Variants in MCTP1 observed in about 807,000 individuals in gnomAD.
MCTP1 encodes multiple C2 and transmembrane domain-containing protein 1.
In MCTP1, 69 loss-of-function variants were observed where a neutral mutation model predicts 120.6. The observed-to-expected ratio is 0.57, with a 90% CI of 0.47 to 0.70. MCTP1 has a LOEUF of 0.70. MCTP1 is among the 30% of genes least tolerant of loss of function. The pLI, the probability that MCTP1 is intolerant of heterozygous loss-of-function variation, is 0.00. For synonymous variants in MCTP1, 529 were observed against 493.1 expected (o/e 1.07, Z -0.96); for missense variants, 1,203 against 1,248.8 (o/e 0.96, Z 0.55).
At chr5:95,012,603 G>T (rs1287910532) in intron 2 of MCTP1, among the ~76,000 whole-genome samples, 1 of 152,042 alleles carries the variant, frequency 6.6e-6, no homozygotes, top group African/African-American at 2.4e-5. Flanking sequence ...AACATTTCAA[G>T]CTTCTTCATT....
chr5:95,210,702 T>C (rs1184240716), intron 1 of MCTP1, among the ~76,000 whole-genome samples: 1 of 152,106 alleles, frequency 6.6e-6, no homozygotes, highest in Non-Finnish European at 1.5e-5. Flanking sequence ...TATGTGTGAA[T>C]TTGATCCTGT....
chr5:94,753,979 G>A (rs950648872), intron 19 of MCTP1, among the ~76,000 whole-genome samples: 5 of 152,068 alleles, frequency 3.3e-5, no homozygotes, highest in African/African-American at 1.2e-4. Context: ...ACAGGAGAAG[G>A]GAAAGAGAAG....
chr5:95,160,089 T>A (rs1207013205), intron 1 of MCTP1, among the ~76,000 whole-genome samples: 1 of 152,208 alleles, frequency 6.6e-6, no homozygotes, highest in Non-Finnish European at 1.5e-5. Context: ...AAGTGCTTTG[T>A]ATACAACGGC....
chr5:94,829,261 C>A (rs1047917875), intron 17 of MCTP1, among the ~76,000 whole-genome samples: 1 of 152,148 alleles, frequency 6.6e-6, no homozygotes, highest in Non-Finnish European at 1.5e-5. Context: ...TGAGGCGACG[C>A]CCCACCCTGC....
intron 1 of MCTP1, among the ~76,000 whole-genome samples, chr5:95,171,619 C>G (rs568709902): frequency 6.6e-6 from 1 of 152,158 alleles, no homozygotes; most frequent in African/African-American, 2.4e-5. Context: ...TCTTTTTACT[C>G]GTTTTTCTCT....
rs950191726 is a variant in MCTP1 at position 95,178,801 on chromosome 5, C to T, written c.720+105055G>A. 4.6e-5 allele frequency among the ~76,000 whole-genome samples: 7 copies of T among 152,144 alleles called. No homozygotes were observed. The South Asian group carries it at 1.2e-3, about 27-fold the overall frequency. ...ATCCCCAAAAGACCACACCAGCTCA[C>T]CAGTAATGGATCCAAACCAAGACAA... On this transcript the variant is annotated intron_variant, in intron 1 of 22. Coordinates refer to ENST00000515393, the MANE Select transcript of MCTP1 (RefSeq NM_024717.7).
chr5:95,040,219 T>C (rs1004437949), intron 1 of MCTP1, among the ~76,000 whole-genome samples: 2 of 152,116 alleles, frequency 1.3e-5, no homozygotes, highest in African/African-American at 4.8e-5. Flanking sequence ...GCAGATCACC[T>C]GAGGTCAGGA....
At chr5:95,029,677 T>C (rs909364692) in intron 1 of MCTP1, among the ~76,000 whole-genome samples, 1 of 152,200 alleles carries the variant, frequency 6.6e-6, no homozygotes, top group Admixed American at 6.5e-5. Context: ...AGCCAGACTG[T>C]TGGGGAACCC....
intron 13 of MCTP1, among the ~76,000 whole-genome samples, chr5:94,872,863 G>A (rs1406142061): frequency 6.6e-6 from 1 of 152,042 alleles, no homozygotes; most frequent in Non-Finnish European, 1.5e-5. Context: ...GCGGTATGGT[G>A]ATTCAGTTAA....
rs1749067994 is a variant in MCTP1 at position 95,061,408 on chromosome 5, G to GTTGTTTTTTTTTT, written c.721-43925_721-43924insAAAAAAAAAACAA. Among the ~76,000 whole-genome samples the GTTGTTTTTTTTTT allele has an allele frequency of 7.8e-4, 26 of 33,480 alleles. 5 individuals are homozygous for GTTGTTTTTTTTTT. Among genetic ancestry groups the GTTGTTTTTTTTTT allele is most frequent in the South Asian group, 1.1e-3 (1 of 908 alleles). 22.0% of individuals were successfully genotyped at this position (33,480 alleles called of 152,430 possible). ...ATCAATTTTCACAAACCCCTTAAGG[G>GTTGTTTTTTTTTT]TTTTTTTTTTTTTTTTTTTTTTTTT... On this transcript the variant is annotated intron_variant, in intron 1 of 22. Coordinates refer to ENST00000515393, the MANE Select transcript of MCTP1 (RefSeq NM_024717.7).
At chr5:95,014,121 G>A (rs537352739) in intron 2 of MCTP1, among the ~76,000 whole-genome samples, 7 of 152,092 alleles carry the variant, frequency 4.6e-5, no homozygotes, top group East Asian at 1.9e-4. Context: ...AAAAATAGCC[G>A]GGCATGGCGA....
intron 19 of MCTP1, among the ~76,000 whole-genome samples, chr5:94,751,078 C>T (rs1768173538): frequency 6.6e-6 from 1 of 152,142 alleles, no homozygotes; most frequent in Non-Finnish European, 1.5e-5. Context: ...AACAAGCACA[C>T]CTTGAATGCA....
chr5:94,873,398 G>A lies in MCTP1; in HGVS notation c.1934-157C>T, dbSNP rs563364379. 2.0e-5 allele frequency among the ~76,000 whole-genome samples: 3 copies of A among 152,096 alleles called. No homozygotes were observed. The South Asian group carries it at 6.2e-4, about 32-fold the overall frequency. ...AAAAAAAGAAACCACCATCAAAATA[G>A]AGTTAGATGTAACTGGTTGATGTTA... On this transcript the variant is annotated intron_variant, in intron 12 of 22. Coordinates refer to ENST00000515393, the MANE Select transcript of MCTP1 (RefSeq NM_024717.7).
chr5:94,862,860 A>G (rs2153234066), intron 17 of MCTP1, among the ~76,000 whole-genome samples: 1 of 151,990 alleles, frequency 6.6e-6, no homozygotes, highest in Admixed American at 6.6e-5. Flanking sequence ...GCATGTCCAG[A>G]TGAATTGGGT....
chr5:95,051,091 A>T (rs1562078322), intron 1 of MCTP1, among the ~76,000 whole-genome samples: 1 of 152,150 alleles, frequency 6.6e-6, no homozygotes, highest in Non-Finnish European at 1.5e-5. Context: ...GTGAGCCAAT[A>T]AATTTCTGCT....
At chr5:94,942,698 A>G (rs1164273645) in intron 3 of MCTP1, among the ~76,000 whole-genome samples, 4 of 152,104 alleles carry the variant, frequency 2.6e-5, no homozygotes, top group Non-Finnish European at 5.9e-5. Flanking sequence ...AATATAGTAA[A>G]TCTTCAAAAA....
At chr5:94,765,127 C>T (rs1772276103) in intron 19 of MCTP1, among the ~76,000 whole-genome samples, 1 of 151,910 alleles carries the variant, frequency 6.6e-6, no homozygotes, top group African/African-American at 2.4e-5. Context: ...GGAAAGGAAA[C>T]AACATGCCGC....
chr5:95,282,653 A>G (rs1179298476), intron 1 of MCTP1, among the ~76,000 whole-genome samples: 1 of 152,180 alleles, frequency 6.6e-6, no homozygotes, highest in Non-Finnish European at 1.5e-5. Context: ...TATTATCTCT[A>G]CTTACTCTTC....
chr5:95,257,798 C>CACACAT (rs1220183703), intron 1 of MCTP1, among the ~76,000 whole-genome samples: 14 of 149,794 alleles, frequency 9.3e-5, no homozygotes, highest in African/African-American at 1.9e-4. Context: ...AGAAAACATA[C>CACACAT]ACACACACAC....
Sources: allele counts gnomAD v4.1 joint callset (sites outside exome capture counted in the v4.1 genomes callset), GRCh38; gene constraint gnomAD v4.1.1; transcripts MANE v1.5; gene names NCBI Gene and HGNC (gene_info 2026-07-23, HGNC 2026-07-21).